Variants in SRBD1 observed in about 807,000 individuals in gnomAD.
SRBD1 encodes S1 RNA-binding domain-containing protein 1.
In SRBD1, 88 loss-of-function variants were observed where a neutral mutation model predicts 115.3. The observed-to-expected ratio is 0.76, with a 90% CI of 0.64 to 0.91. SRBD1 has a LOEUF of 0.91. Ranked by LOEUF, SRBD1 falls within the 40% of genes least tolerant of loss-of-function variation. The pLI, the probability that SRBD1 is intolerant of heterozygous loss-of-function variation, is 0.00. For synonymous variants in SRBD1, 509 were observed against 407.7 expected, an observed-to-expected ratio of 1.25 and a Z score of -2.99; for missense variants, 1,385 against 1,177.4, an observed-to-expected ratio of 1.18 and a Z score of -2.58.
intron 15 of SRBD1, among the ~76,000 whole-genome samples, chr2:45,478,893 A>T (rs1015152282): frequency 2.0e-5 from 3 of 152,136 alleles, no homozygotes; most frequent in Non-Finnish European, 4.4e-5. Flanking sequence ...CCAAGTTGGA[A>T]ATTTGCGGCA....
chr2:45,574,141 G>T (rs1673104675), intron 8 of SRBD1, among the ~76,000 whole-genome samples: 1 of 152,150 alleles, frequency 6.6e-6, no homozygotes, highest in African/African-American at 2.4e-5. Context: ...TGATGCCATA[G>T]ATAAGCTGCT....
intron 14 of SRBD1, among the ~76,000 whole-genome samples, chr2:45,507,610 A>T (rs1474587661): frequency 2.0e-5 from 3 of 151,714 alleles, no homozygotes; most frequent in Non-Finnish European, 4.4e-5. Flanking sequence ...AATCCCAGCT[A>T]CTCAAGAGGC....
At chr2:45,588,688 T>C (rs1485674010) in intron 4 of SRBD1, among the ~76,000 whole-genome samples, 1 of 152,166 alleles carries the variant, frequency 6.6e-6, no homozygotes, top group Non-Finnish European at 1.5e-5. Context: ...GCTGCATTGC[T>C]CTGGCCAGAG....
intron 14 of SRBD1, among the ~76,000 whole-genome samples, chr2:45,509,375 T>C (rs1670893050): frequency 6.6e-6 from 1 of 151,870 alleles, no homozygotes; most frequent in Admixed American, 6.6e-5. Flanking sequence ...GGCGGGCGGA[T>C]CATGAGGTCA....
chr2:45,546,472 A>C (rs1216501553), intron 14 of SRBD1: 1 of 556,332 alleles, frequency 1.8e-6, no homozygotes, highest in African/African-American at 2.0e-5. Flanking sequence ...TATAGCCTAG[A>C]AAATCCAATG....
chr2:45,471,283 G>A (rs1669640846), intron 16 of SRBD1, among the ~76,000 whole-genome samples: 2 of 151,928 alleles, frequency 1.3e-5, no homozygotes, highest in South Asian at 4.1e-4. Flanking sequence ...GTAAACACAT[G>A]CCTACATTTT....
chr2:45,590,719 A>G (rs1673694688), intron 4 of SRBD1, among the ~76,000 whole-genome samples: 1 of 152,154 alleles, frequency 6.6e-6, no homozygotes, highest in African/African-American at 2.4e-5. Context: ...CTGTAAGTCA[A>G]TTAAACCTCT....
At chr2:45,472,637 T>C (rs891843673) in intron 16 of SRBD1, among the ~76,000 whole-genome samples, 1 of 152,212 alleles carries the variant, frequency 6.6e-6, no homozygotes, top group African/African-American at 2.4e-5. Context: ...CGTGTCACCA[T>C]GCCTAGCTTC....
intron 16 of SRBD1, among the ~76,000 whole-genome samples, chr2:45,460,014 A>G (rs1361796812): frequency 6.6e-6 from 1 of 152,212 alleles, no homozygotes; most frequent in African/African-American, 2.4e-5. Context: ...TATGTGCCCA[A>G]GGTATGACTA....
At chr2:45,523,729 A>C (rs986990709) in intron 14 of SRBD1, among the ~76,000 whole-genome samples, 2 of 151,968 alleles carry the variant, frequency 1.3e-5, no homozygotes, top group Non-Finnish European at 2.9e-5. Flanking sequence ...AGGTGGTTTT[A>C]AAACTGAATT....
chr2:45,459,636 T>C (rs1394342188), intron 16 of SRBD1, among the ~76,000 whole-genome samples: 3 of 152,214 alleles, frequency 2.0e-5, no homozygotes, highest in African/African-American at 7.2e-5. Context: ...TTTGATTTCA[T>C]GAAGTGAAAA....
At chr2:45,457,661 C>A (rs1240521277) in intron 16 of SRBD1, among the ~76,000 whole-genome samples, 1 of 151,914 alleles carries the variant, frequency 6.6e-6, no homozygotes, top group East Asian at 1.9e-4. Context: ...TAAAAAAATA[C>A]CCCGACAAAC....
At chr2:45,553,216 C>T (rs1672358685) in intron 11 of SRBD1, among the ~76,000 whole-genome samples, 1 of 152,122 alleles carries the variant, frequency 6.6e-6, no homozygotes, top group Admixed American at 6.5e-5. Context: ...TAATAATCTC[C>T]TAATATTTAT....
intron 14 of SRBD1, among the ~76,000 whole-genome samples, chr2:45,541,148 G>T (rs181159527): frequency 6.6e-6 from 1 of 152,250 alleles, no homozygotes; most frequent in Non-Finnish European, 1.5e-5. Flanking sequence ...AGAGCTAGGC[G>T]TGCCAGCTGT....
chr2:45,593,157 G>A (rs1387337857), intron 4 of SRBD1, among the ~76,000 whole-genome samples: 1 of 152,022 alleles, frequency 6.6e-6, no homozygotes, highest in Non-Finnish European at 1.5e-5. Flanking sequence ...TGTTGTTTTA[G>A]GCTAATTCCT....
intron 14 of SRBD1, among the ~76,000 whole-genome samples, chr2:45,533,900 G>A (rs1282222513): frequency 6.6e-6 from 1 of 151,898 alleles, no homozygotes; most frequent in Non-Finnish European, 1.5e-5. Flanking sequence ...ATCTTTATTG[G>A]ATCTGGCAAC....
At chr2:45,576,688 C>T (rs1408663262) in intron 7 of SRBD1, among the ~76,000 whole-genome samples, 4 of 152,188 alleles carry the variant, frequency 2.6e-5, no homozygotes, top group African/African-American at 4.8e-5. Flanking sequence ...CTCTCTCAGT[C>T]TTCATCTAGG....
intron 15 of SRBD1, among the ~76,000 whole-genome samples, chr2:45,477,874 G>A (rs1669850659): frequency 6.6e-6 from 1 of 151,640 alleles, no homozygotes; most frequent in South Asian, 2.1e-4. Context: ...TCCCTTTCTT[G>A]ACCATTACAA....
intron 11 of SRBD1, among the ~76,000 whole-genome samples, chr2:45,552,114 GATGA>G: frequency 6.6e-6 from 1 of 152,266 alleles, no homozygotes; most frequent in East Asian, 1.9e-4. Context: ...ATGACACATG[GATGA>G]ATGATCATGA....
Sources: allele counts gnomAD v4.1 joint callset (sites outside exome capture counted in the v4.1 genomes callset), GRCh38; gene constraint gnomAD v4.1.1; transcripts MANE v1.5; gene names NCBI Gene and HGNC (gene_info 2026-07-23, HGNC 2026-07-21).